FASN: variants seen among roughly 807,000 people sequenced by gnomAD.
FASN encodes 3-hydroxyacyl-[acyl-carrier-protein] dehydratase.
In FASN, 50 loss-of-function variants were observed where a neutral mutation model predicts 250.0. That is an observed-to-expected ratio of 0.20 (90% CI 0.16 to 0.25). The LOEUF (loss-of-function observed/expected upper bound fraction) is 0.25. Among genes scored for constraint, FASN ranks in the 10% least tolerant of loss-of-function variants. FASN has a pLI of 1.00. For synonymous variants in FASN, 1,909 were observed against 1,584.0 expected (o/e 1.21, Z -4.87); for missense variants, 3,031 against 3,498.5 (o/e 0.87, Z 3.37).
Position 82,088,274 on chromosome 17 carries a change from A to C in FASN, c.2627T>G (p.Val876Gly). Residue 876 changes from valine to glycine, a missense_variant, in exon 17 of 43, where the codon GTG (valine) becomes GGG (glycine). Coordinates refer to ENST00000306749, the MANE Select transcript of FASN (RefSeq NM_004104.5). ...GACGCGACCGTCGAGGGTGTGGTCCACCAGGTAGTGGTCAGGAGACTCGGA... is the reference window on the plus strand; with the variant it reads ...GACGCGACCGTCGAGGGTGTGGTCCCCCAGGTAGTGGTCAGGAGACTCGGA... The part of the protein sequence containing the change: ...TSSESPDHYL[V>G]DHTLDGRVLF... The C allele has an allele frequency of 6.2e-7, 1 of 1,606,310 alleles. No homozygotes were observed. The highest frequency in any genetic ancestry group is 8.5e-7 in the Non-Finnish European group (1 of 1,179,946).
chr17:82,096,227 T>C, intron 2 of FASN, 92 bp downstream of exon 2: 1 of 1,586,700 alleles, frequency 6.3e-7, no homozygotes, highest in Non-Finnish European at 8.6e-7. Context: ...GCCTGGGTGG[T>C]GAGGACACAG....
rs2034152480 is a variant in FASN, at chr17:82,088,858, G to A, written c.2323C>T (p.Leu775=). 2 of 1,612,436 alleles carry A rather than the reference G, an allele frequency of 1.2e-6. No individual in the cohort carries two copies. Among genetic ancestry groups the A allele is most frequent in the Admixed American group, 1.7e-5 (1 of 60,000 alleles). ...GGGATGATGGTGCAGCTCGGCTTCAGGCCACGCTTCAGGACAGCCTGGGGG... is the reference window on the plus strand; with the variant it reads ...GGGATGATGGTGCAGCTCGGCTTCAAGCCACGCTTCAGGACAGCCTGGGGG... The part of the protein sequence containing the change: ...ALLQAVLKRG[L]KPSCTIIPLM... The change falls in exon 15 of 43, where the codon CTG becomes TTG. Residue 775 remains leucine (L), a synonymous_variant. Transcript: ENST00000306749.
In FASN at chr17:82,080,187, C is replaced by A. The variant is rs1259235350; in HGVS notation, c.7099G>T (p.Ala2367Ser). 1.2e-6 allele frequency: 2 copies of A among 1,613,242 alleles called. No homozygotes were observed. Among genetic ancestry groups the A allele is most frequent in the Non-Finnish European group, 1.7e-6 (2 of 1,180,020 alleles). ...PGCEAEAETEAICFFVQQFTD... is the reference protein window; with the variant it reads ...PGCEAEAETESICFFVQQFTD... ...AACTGCTGCACGAAGAAGCATATGG[C>A]CTCCGTCTCAGCCTCAGCCTCACAG... is the stretch of plus-strand genomic sequence containing the variant. The change falls in exon 41 of 43, where the codon GCC becomes TCC. Residue 2367 changes from alanine to serine, a missense_variant. Ala to Ser is a moderately conservative substitution (Grantham distance 99). Transcript: ENST00000306749.
chr17:82,095,098 C>T lies in FASN; in HGVS notation c.280+222G>A, dbSNP rs183314863. ...TCAGAAGCGAGGAGACTGGTACGCT[C>T]AGGTCAGGGCACACCCGCGACACCT... On this transcript the variant is annotated intron_variant, in intron 3 of 42. Coordinates refer to ENST00000306749, the MANE Select transcript of FASN (RefSeq NM_004104.5). 2.0e-5 allele frequency among the ~76,000 whole-genome samples: 3 copies of T among 152,332 alleles called. No individual in the cohort carries two copies. The East Asian group carries it at 5.8e-4, about 29-fold the overall frequency.
Position 82,080,158 on chromosome 17 carries a change from C to T in FASN, c.7128G>A (p.Thr2376=), listed in dbSNP as rs561844046. ...GACCCACCCTGTTGTGCTCCATGTC[C>T]GTGAACTGCTGCACGAAGAAGCATA... The part of the protein sequence containing the change: ...EAICFFVQQF[T]DMEHNRVLEA... The change falls in exon 41 of 43, where the codon ACG becomes ACA. Residue 2376 remains threonine (T), a synonymous_variant. Transcript: ENST00000306749. 1.2e-5 allele frequency: 19 copies of T among 1,613,220 alleles called. No individual in the cohort carries two copies. Among genetic ancestry groups the T allele is most frequent in the East Asian group, 8.9e-5 (4 of 44,890 alleles).
chr17:82,080,895 T>C lies in FASN; in HGVS notation c.6623A>G (p.Asp2208Gly). 6.2e-7 allele frequency: 1 copy of C among 1,610,502 alleles called. No homozygotes were observed. The highest frequency in any genetic ancestry group is 2.2e-5 in the East Asian group (1 of 44,830). ...SELACPTPKE[D>G]GLAQQQTQLN... ...CTGAGTCTGCTGCTGGGCCAGACCA[T>C]CCTCCTTGGGCGTGGGGCATGCCAG... is the stretch of plus-strand genomic sequence containing the variant. The change falls in exon 39 of 43, where the codon GAT becomes GGT. Residue 2208 changes from aspartate to glycine, a missense_variant. By Grantham distance (94) the Asp-to-Gly change is moderately conservative. Transcript: ENST00000306749.
rs749535147 is a variant in FASN at position 82,082,572 on chromosome 17, C to T, written c.5874G>A (p.Glu1958=). The change falls in exon 34 of 43, where the codon GAG becomes GAA. Residue 1958 remains glutamate, a synonymous_variant. Coordinates refer to ENST00000306749, the MANE Select transcript of FASN (RefSeq NM_004104.5). The part of the protein sequence containing the change: ...SLEGARGLIA[E]AAQLGPVGGV... ...CGCCCACGGGCCCAAGCTGCGCCGCCTCGGCAATGAGGCCCCGGGCCCCCT... is the reference window on the plus strand; with the variant it reads ...CGCCCACGGGCCCAAGCTGCGCCGCTTCGGCAATGAGGCCCCGGGCCCCCT... 2 of 1,609,588 alleles carry T rather than the reference C, an allele frequency of 1.2e-6. No individual in the cohort carries two copies. Among genetic ancestry groups the T allele is most frequent in the South Asian group, 1.1e-5 (1 of 91,072 alleles).
At position 82,088,427 on chromosome 17, in the gene FASN, G is replaced by A. The variant is rs765134185; in HGVS notation, c.2556C>T (p.Asn852=). ...WDVPAAEDFP[N]GSGSPSAAIY... is the part of the protein sequence containing the mutation. ...TGGCGGCTGAGGGGGAACCTGAACC[G>A]TTGGGGAAGTCCTCGGCGGCCGGCA... The change falls in exon 16 of 43, where the codon AAC becomes AAT. Residue 852 remains asparagine (N), a synonymous_variant. Coordinates refer to ENST00000306749, the MANE Select transcript of FASN (RefSeq NM_004104.5). The A allele has an allele frequency of 8.1e-6, 13 of 1,611,862 alleles. No individual in the cohort carries two copies. The highest frequency in any genetic ancestry group is 4.0e-5 in the African/African-American group (3 of 74,908).
Position 82,089,189 on chromosome 17 carries a change from G to C in FASN, c.2101-17C>G. The stretch of plus-strand genomic sequence containing the variant: ...CCGGATCACCTGCATGAGGGGCCAG[G>C]TCAGTGCTGGGTTGTGGGTCCCCTG... On this transcript the variant is annotated splice_polypyrimidine_tract_variant and intron_variant, in intron 13 of 42. Coordinates refer to ENST00000306749, the MANE Select transcript of FASN (RefSeq NM_004104.5). 1 of 1,596,206 alleles carries C rather than the reference G, an allele frequency of 6.3e-7. No individual in the cohort carries two copies.
chr17:82,095,647 C>T (rs547504806), intron 2 of FASN, among the ~76,000 whole-genome samples, 175 bp from the exon 3 acceptor site: 12 of 152,300 alleles, frequency 7.9e-5, no homozygotes, highest in Admixed American at 2.6e-4. Context: ...GGCCCCAAAG[C>T]GGGGACTGGT....
At chr17:82,093,532 G>GGTT in intron 4 of FASN, 66 bp downstream of exon 4, 1 of 1,607,330 alleles carries the variant, frequency 6.2e-7, no homozygotes. Flanking sequence ...CACGCCACGT[G>GGTT]GTTTCTGCTC....
In FASN at chr17:82,089,501, G is replaced by A. The variant is rs574643073; in HGVS notation, c.1966-117C>T. On this transcript the variant is annotated intron_variant, in intron 12 of 42. Transcript: ENST00000306749. ...CCGAGAGGGAATGGGCAAGGGACCT[G>A]AGGACAAACCTGCCCCATGCCCCAG... 7 of 1,581,490 alleles carry A rather than the reference G, an allele frequency of 4.4e-6. No homozygotes were observed. The African/African-American group carries it at 9.4e-5, about 21-fold the overall frequency.
chr17:82,086,298 T>A lies in FASN; in HGVS notation c.3688A>T (p.Thr1230Ser). 1 of 1,596,010 alleles carries A rather than the reference T, an allele frequency of 6.3e-7. No individual in the cohort carries two copies. The highest frequency in any genetic ancestry group is 8.5e-7 in the Non-Finnish European group (1 of 1,176,166). Residue 1230 changes from threonine to serine, a missense_variant, in exon 22 of 43, where the codon ACT (threonine) becomes TCT (serine). Physicochemically the swap from Thr to Ser is moderately conservative, Grantham distance 58. Transcript: ENST00000306749. ...AGGCTGGGCATGTTCTCCACGGCAGTGTCCAGGCAGGCCTTGAGTGCCGGG... is the reference window on the plus strand; with the variant it reads ...AGGCTGGGCATGTTCTCCACGGCAGAGTCCAGGCAGGCCTTGAGTGCCGGG... ...DSPALKACLDTAVENMPSLKM... is the reference protein window; with the variant it reads ...DSPALKACLDSAVENMPSLKM...
rs558030339 is a variant in FASN, at chr17:82,091,478, G to A, written c.1236C>T (p.Pro412=). 8.5e-5 allele frequency: 136 copies of A among 1,604,524 alleles called. No homozygotes were observed. Among genetic ancestry groups the A allele is most frequent in the East Asian group, 8.3e-4 (37 of 44,424 alleles). Residue 412 remains proline, a synonymous_variant, in exon 9 of 43, where the codon CCC becomes CCT. Transcript: ENST00000306749. ...IILRPNTQPP[P]APAPHATLPR... ...GCAGGGTGGCATGTGGGGCGGGTGC[G>A]GGGGGCGGCTGCGTGTTGGGCCTCA...
rs895501964 is a variant in FASN at position 82,093,222 on chromosome 17, C to A, written c.652G>T (p.Ala218Ser). 2 of 1,579,050 alleles carry A rather than the reference C, an allele frequency of 1.3e-6. No individual in the cohort carries two copies. Among genetic ancestry groups the A allele is most frequent in the Non-Finnish European group, 8.6e-7 (1 of 1,163,368 alleles). The change falls in exon 5 of 43, where the codon GCG (alanine) becomes TCG (serine). Residue 218 changes from alanine (A) to serine (S), a missense_variant. Transcript: ENST00000306749. ...PEGTCKAFDT[A>S]GNGYCRSEGV... ...GGCCGCGCAGCCGCACACTCACCCGCTGTGTCGAAGGCCTTGCAGGTGCCC... is the reference window on the plus strand; with the variant it reads ...GGCCGCGCAGCCGCACACTCACCCGATGTGTCGAAGGCCTTGCAGGTGCCC...
In FASN at chr17:82,083,844, C is replaced by T. The variant is rs181589044; in HGVS notation, c.5146G>A (p.Asp1716Asn). 1.4e-5 allele frequency: 22 copies of T among 1,598,450 alleles called. No individual in the cohort carries two copies. In the African/African-American group the frequency reaches 1.7e-4, roughly 13 times the overall value. The change falls in exon 30 of 43, where the codon GAC (aspartate) becomes AAC (asparagine). Residue 1716 changes from aspartate to asparagine, a missense_variant. Coordinates refer to ENST00000306749, the MANE Select transcript of FASN (RefSeq NM_004104.5). ...CGGGAGTTGGCGAAGCTGGTGCTGTCGAGCTGGGGGAACCTGGCCTGGAGG... is the reference window on the plus strand; with the variant it reads ...CGGGAGTTGGCGAAGCTGGTGCTGTTGAGCTGGGGGAACCTGGCCTGGAGG... ...AYLQARFPQL[D>N]STSFANSRDT... is the part of the protein sequence containing the mutation.
rs1259235350 is a variant in FASN at position 82,080,187 on chromosome 17, C to T, written c.7099G>A (p.Ala2367Thr). Reference protein sequence around the residue: ...PGCEAEAETEAICFFVQQFTD... With the variant: ...PGCEAEAETETICFFVQQFTD... ...AACTGCTGCACGAAGAAGCATATGG[C>T]CTCCGTCTCAGCCTCAGCCTCACAG... The change falls in exon 41 of 43, where the codon GCC becomes ACC. Residue 2367 changes from alanine to threonine, a missense_variant. Transcript: ENST00000306749. The T allele has an allele frequency of 1.9e-6, 3 of 1,613,242 alleles. No homozygotes were observed. Among genetic ancestry groups the T allele is most frequent in the East Asian group, 2.2e-5 (1 of 44,896 alleles).
In FASN at chr17:82,091,611, G is replaced by A. The variant is rs755581604; in HGVS notation, c.1103C>T (p.Ala368Val). ...HFHSPNPEIP[A>V]LLDGRLQVVD... The stretch of plus-strand genomic sequence containing the variant: ...CACCTGCAGCCGCCCATCCAACAGC[G>A]CTGGGATCTCAGGGTTGGGGCTATG... The change falls in exon 9 of 43, where the codon GCG becomes GTG. Residue 368 changes from alanine to valine, a missense_variant. Coordinates refer to ENST00000306749, the MANE Select transcript of FASN (RefSeq NM_004104.5). 7.5e-6 allele frequency: 12 copies of A among 1,594,060 alleles called. No individual in the cohort carries two copies. Among genetic ancestry groups the A allele is most frequent in the Admixed American group, 1.8e-5 (1 of 56,230 alleles).
At chr17:82,082,860 G>A in intron 33 of FASN, 54 bp downstream of exon 33, 1 of 1,598,388 alleles carries the variant, frequency 6.3e-7, no homozygotes, top group Non-Finnish European at 8.5e-7. Context: ...AGGGCTCAGG[G>A]GCCCGGGGCT....
Sources: gnomAD v4.1 joint callset for allele counts (sites outside exome capture counted in the v4.1 genomes callset) on GRCh38, gnomAD v4.1.1 for gene constraint, MANE v1.5 for transcripts, NCBI Gene and HGNC (gene_info 2026-07-23, HGNC 2026-07-21) for gene names.